The following KCNMA1 variants were observed in gnomAD, a reference collection of about 807,000 sequenced individuals.
KCNMA1 encodes the protein Calcium-activated potassium channel subunit alpha-1.
KCNMA1 carries 29 observed loss-of-function variants against 140.0 expected under a neutral mutation model. That is an observed-to-expected ratio of 0.21 (90% CI 0.15 to 0.28). The LOEUF (loss-of-function observed/expected upper bound fraction) is 0.28, where lower values mean the gene tolerates loss of function less well. KCNMA1 is among the 10% of genes least tolerant of loss of function. The pLI is 1.00. For synonymous variants in KCNMA1, 612 were observed against 611.9 expected (o/e 1.00, Z 0.00); for missense variants, 880 against 1,602.2 (o/e 0.55, Z 7.70).
At chr10:77,080,708 T>A (rs758174574) in intron 12 of KCNMA1, among the ~76,000 whole-genome samples, 1 of 152,010 alleles carries the variant, frequency 6.6e-6, no homozygotes, top group Non-Finnish European at 1.5e-5. Flanking sequence ...TACGTAGACA[T>A]CGAAAGCGAG....
chr10:77,108,506 A>T lies in KCNMA1; in HGVS notation c.1198T>A (p.Ser400Thr). ...LIGNRKKYGG[S>T]YSAVSGRKHI... Reference sequence around the variant, plus strand: ...TTTCTTCCACTAACCGCACTATAGGAGCCCCCGTATTTCTTGCGGTTTCCT... The same window carrying T: ...TTTCTTCCACTAACCGCACTATAGGTGCCCCCGTATTTCTTGCGGTTTCCT... The change falls in exon 9 of 28, where the codon TCC (serine) becomes ACC (threonine). Residue 400 changes from serine (S) to threonine (T), a missense_variant. By Grantham distance (58) the Ser-to-Thr change is moderately conservative. Transcript: ENST00000286628. The surrounding 1 kb of genome is among the most constrained non-coding windows in gnomAD (Gnocchi z 4.6). 1 of 1,613,800 alleles carries T rather than the reference A, an allele frequency of 6.2e-7. No individual in the cohort carries two copies. Among genetic ancestry groups the T allele is most frequent in the Non-Finnish European group, 8.5e-7 (1 of 1,179,890 alleles).
intron 1 of KCNMA1, among the ~76,000 whole-genome samples, chr10:77,407,072 T>G (rs975214665): frequency 6.6e-6 from 1 of 152,230 alleles, no homozygotes; most frequent in Non-Finnish European, 1.5e-5. Context: ...GCATTCATTA[T>G]TTTAATTACT....
intron 1 of KCNMA1, among the ~76,000 whole-genome samples, chr10:77,574,485 C>T (rs1246613667): frequency 6.6e-6 from 1 of 152,052 alleles, no homozygotes; most frequent in East Asian, 1.9e-4. Flanking sequence ...TTACTGAATC[C>T]AGGCATTCTG....
At chr10:77,083,786 G>C (rs2096634404) in intron 12 of KCNMA1, among the ~76,000 whole-genome samples, 1 of 139,450 alleles carries the variant, frequency 7.2e-6, no homozygotes, top group Non-Finnish European at 1.5e-5. Flanking sequence ...AGTGAGCTAT[G>C]ATTGAGTCCC....
chr10:77,313,205 A>G (rs1477901857), intron 2 of KCNMA1, among the ~76,000 whole-genome samples: 1 of 152,238 alleles, frequency 6.6e-6, no homozygotes, highest in Non-Finnish European at 1.5e-5. Context: ...CTTAAACGCT[A>G]GCATAAAGCT....
intron 19 of KCNMA1, chr10:76,980,109 T>C (rs965555441): frequency 1.3e-4 from 20 of 152,194 alleles, no homozygotes; most frequent in Admixed American, 2.6e-4. Context: ...GGTCAATGCA[T>C]TGGAGAACAA....
At chr10:77,614,714 C>T (rs577729552) in intron 1 of KCNMA1, among the ~76,000 whole-genome samples, 65 of 152,234 alleles carry the variant, frequency 4.3e-4, no homozygotes, top group African/African-American at 1.2e-3. Context: ...GAGAGGAACC[C>T]AGGTCCTTGC....
At position 76,885,425 on chromosome 10, in the gene KCNMA1, G is replaced by A; in HGVS notation, c.*1841C>T. 8 of 985,106 alleles carry A rather than the reference G, an allele frequency of 8.1e-6. No individual in the cohort carries two copies. Among genetic ancestry groups the A allele is most frequent in the Non-Finnish European group, 9.6e-6 (8 of 829,812 alleles). 61.0% of individuals were successfully genotyped at this position (985,106 alleles called of 1,614,324 possible). On this transcript the variant is annotated 3_prime_UTR_variant, in exon 28 of 28. Transcript: ENST00000286628. ...ACTACGCTGCCCCTGTCTTTGGTGTGGGGGAGGGTGGAGGTTCTGACTGAG... is the reference window on the plus strand; with the variant it reads ...ACTACGCTGCCCCTGTCTTTGGTGTAGGGGAGGGTGGAGGTTCTGACTGAG...
intron 2 of KCNMA1, among the ~76,000 whole-genome samples, chr10:77,275,043 G>A (rs921592363): frequency 6.6e-6 from 1 of 152,190 alleles, no homozygotes; most frequent in African/African-American, 2.4e-5. Flanking sequence ...TGCTTTTAGT[G>A]CAAAACCTTG....
intron 1 of KCNMA1, among the ~76,000 whole-genome samples, chr10:77,460,559 A>G (rs1375033386): frequency 6.6e-6 from 1 of 151,856 alleles, no homozygotes; most frequent in Admixed American, 6.6e-5. Flanking sequence ...ACACACACGC[A>G]CACCATGGAA....
chr10:77,015,765 C>T (rs2091906646), intron 17 of KCNMA1, among the ~76,000 whole-genome samples: 1 of 152,070 alleles, frequency 6.6e-6, no homozygotes, highest in African/African-American at 2.4e-5. Context: ...CTTCATTCCT[C>T]TTTTTTCCTC....
intron 1 of KCNMA1, among the ~76,000 whole-genome samples, chr10:77,622,862 A>G (rs2091743338): frequency 6.6e-6 from 1 of 152,238 alleles, no homozygotes; most frequent in African/African-American, 2.4e-5. Flanking sequence ...AAGTCTGAAA[A>G]TAAATGCAAG....
At chr10:77,333,787 G>A (rs932513968) in intron 2 of KCNMA1, among the ~76,000 whole-genome samples, 3 of 152,184 alleles carry the variant, frequency 2.0e-5, no homozygotes, top group African/African-American at 7.2e-5. Flanking sequence ...CTGCTGAAGT[G>A]TTGCCTAATT....
At chr10:77,198,175 T>C (rs577170527) in intron 3 of KCNMA1, among the ~76,000 whole-genome samples, 9 of 152,312 alleles carry the variant, frequency 5.9e-5, no homozygotes, top group Admixed American at 5.9e-4. Flanking sequence ...CACACCATGG[T>C]TTCCTGTAGT....
At chr10:77,376,388 C>T (rs1403520837) in intron 2 of KCNMA1, 1 of 152,092 alleles carries the variant, frequency 6.6e-6, no homozygotes, top group African/African-American at 2.4e-5. Context: ...AAAGGGAACC[C>T]TGTAATGGAA....
chr10:77,134,000 A>G (rs1224562530), intron 5 of KCNMA1, among the ~76,000 whole-genome samples: 1 of 152,226 alleles, frequency 6.6e-6, no homozygotes, highest in Non-Finnish European at 1.5e-5. Flanking sequence ...TTTTACAGAC[A>G]ATAAAGAGGT....
chr10:77,381,178 C>T (rs2095369538), intron 2 of KCNMA1, among the ~76,000 whole-genome samples: 1 of 152,130 alleles, frequency 6.6e-6, no homozygotes, highest in African/African-American at 2.4e-5. Flanking sequence ...TAAGTGTCAA[C>T]CATACAGGAG....
At chr10:76,941,010 GAAGGAAGGAAGA>G (rs1430745982) in intron 23 of KCNMA1, among the ~76,000 whole-genome samples, 3 of 32,070 alleles carry the variant, frequency 9.4e-5, no homozygotes, top group African/African-American at 4.0e-4. Flanking sequence ...AGGAAGGAAG[GAAGGAAGGAAGA>G]AAGAAAGAAA....
At chr10:76,918,474 G>A (rs1030442264) in intron 23 of KCNMA1, among the ~76,000 whole-genome samples, 1 of 152,198 alleles carries the variant, frequency 6.6e-6, no homozygotes, top group Non-Finnish European at 1.5e-5. Context: ...ACTTCCATAT[G>A]TTTGTTGGCC....
Sources: gnomAD v4.1 joint callset for allele counts (sites outside exome capture counted in the v4.1 genomes callset) on GRCh38, gnomAD v4.1.1 for gene constraint, Gnocchi (gnomAD v3.1) non-coding constraint, MANE v1.5 for transcripts, NCBI Gene and HGNC (gene_info 2026-07-23, HGNC 2026-07-21) for gene names.